SRXN1: variants seen among roughly 807,000 people sequenced by gnomAD.
SRXN1 encodes sulfiredoxin-1.
A neutral mutation model predicts 11.0 loss-of-function variants in SRXN1; 11 were observed. The observed-to-expected ratio is 1.00, with a 90% CI of 0.63 to 1.65. SRXN1 has a LOEUF of 1.65. Among genes scored for constraint, SRXN1 ranks in the 40% most tolerant of loss-of-function variants. The pLI is 0.00. For synonymous variants in SRXN1, 106 were observed against 92.8 expected, an observed-to-expected ratio of 1.14 and a Z score of -0.82; for missense variants, 211 against 194.5, an observed-to-expected ratio of 1.08 and a Z score of -0.50.
rs1251660525 is a variant in SRXN1, at chr20:648,615, AG to A, written c.*98del. ...TCAGACCCTCTCGCCAGGTGCAAAGAGAATGCACCCCTGCTATCCCTTCTGC... is the reference window on the plus strand; with the variant it reads ...TCAGACCCTCTCGCCAGGTGCAAAGAAATGCACCCCTGCTATCCCTTCTGC... On this transcript the variant is annotated 3_prime_UTR_variant, in exon 2 of 2. Coordinates refer to ENST00000381962, the MANE Select transcript of SRXN1 (RefSeq NM_080725.3). The A allele has an allele frequency of 1.5e-6, 2 of 1,349,574 alleles. No homozygotes were observed. The highest frequency in any genetic ancestry group is 2.1e-6 in the Non-Finnish European group (2 of 955,798). 83.6% of individuals were successfully genotyped at this position (1,349,574 alleles called of 1,614,324 possible).
rs1413830563 is a variant in SRXN1, at chr20:647,149, C to T, written c.*1565G>A. On this transcript the variant is annotated 3_prime_UTR_variant, in exon 2 of 2. Coordinates refer to ENST00000381962, the MANE Select transcript of SRXN1 (RefSeq NM_080725.3). ...TACCAGCAGTGCAGACAAGGAGGCACTCCTACTACAGTGGGTCCAGCCCAT... is the reference window on the plus strand; with the variant it reads ...TACCAGCAGTGCAGACAAGGAGGCATTCCTACTACAGTGGGTCCAGCCCAT... 6.6e-6 allele frequency: 1 copy of T among 152,314 alleles called. No individual in the cohort carries two copies. The highest frequency in any genetic ancestry group is 1.5e-5 in the Non-Finnish European group (1 of 68,146). The allele number at this position is 152,314 out of a possible 1,614,324, so 9.4% of individuals were successfully genotyped here.
intron 1 of SRXN1, 69 bp from the exon 2 acceptor site, chr20:648,986 C>A: frequency 6.5e-7 from 1 of 1,540,742 alleles, no homozygotes; most frequent in Non-Finnish European, 8.9e-7. Flanking sequence ...CAGACTTTGT[C>A]CACTTGTGCT....
chr20:648,852 G>A lies in SRXN1; in HGVS notation c.276C>T (p.Tyr92=), dbSNP rs1451989151. The change falls in exon 2 of 2, where the codon TAC becomes TAT. Residue 92 remains tyrosine (Y), a synonymous_variant. Transcript: ENST00000381962. ...LWIKGAQGGD[Y]FYSFGGCHRY... Reference sequence around the variant, plus strand: ...GGTGGCAGCCCCCAAAGGAGTAGAAGTAGTCACCTCCCTGGGCCCCTTTGA... The same window carrying A: ...GGTGGCAGCCCCCAAAGGAGTAGAAATAGTCACCTCCCTGGGCCCCTTTGA... 6.2e-7 allele frequency: 1 copy of A among 1,614,178 alleles called. No homozygotes were observed. Among genetic ancestry groups the A allele is most frequent in the African/African-American group, 1.3e-5 (1 of 75,042 alleles).
At chr20:650,839 G>T (rs529662589) in intron 1 of SRXN1, among the ~76,000 whole-genome samples, 1 of 152,216 alleles carries the variant, frequency 6.6e-6, no homozygotes, top group Non-Finnish European at 1.5e-5. Context: ...GCCTTGTGCC[G>T]GGTACTGGAG....
chr20:652,964 C>T lies in SRXN1; in HGVS notation c.210+12G>A. ...CCCTCCCTCCGGTTGGCTGGACTCC[C>T]CGAGGCCTCACCCGGATCGTGTCCA... On this transcript the variant is annotated intron_variant, in intron 1 of 1. Transcript: ENST00000381962. The T allele has an allele frequency of 1.4e-6, 2 of 1,469,330 alleles. No individual in the cohort carries two copies. Among genetic ancestry groups the T allele is most frequent in the Non-Finnish European group, 1.8e-6 (2 of 1,100,934 alleles). 91.0% of individuals were successfully genotyped at this position (1,469,330 alleles called of 1,614,324 possible).
At position 648,465 on chromosome 20, in the gene SRXN1, G is replaced by T. The variant is rs1347891288; in HGVS notation, c.*249C>A. ...CACGTGGCTCTTCAAGCCCATCTCT[G>T]TTCTCCTTCTCGGTAATGCTTCAAG... is the stretch of plus-strand genomic sequence containing the variant. On this transcript the variant is annotated 3_prime_UTR_variant, in exon 2 of 2. Transcript: ENST00000381962. The T allele has an allele frequency of 4.6e-6, 3 of 645,690 alleles. No individual in the cohort carries two copies. The highest frequency in any genetic ancestry group is 8.6e-6 in the Non-Finnish European group (3 of 350,224). The allele number at this position is 645,690 out of a possible 1,614,324, so 40.0% of individuals were successfully genotyped here.
Position 646,890 on chromosome 20 carries a change from T to C in SRXN1, c.*1824A>G, listed in dbSNP as rs1179227767. On this transcript the variant is annotated 3_prime_UTR_variant, in exon 2 of 2. Transcript: ENST00000381962. ...ATGCCACATTGCACTGAAGACACTCTCCCTTTTCAATTCTATTACTGGTCA... is the reference window on the plus strand; with the variant it reads ...ATGCCACATTGCACTGAAGACACTCCCCCTTTTCAATTCTATTACTGGTCA... 2.6e-5 allele frequency: 4 copies of C among 152,136 alleles called. No individual in the cohort carries two copies. Among genetic ancestry groups the C allele is most frequent in the African/African-American group, 4.8e-5 (2 of 41,412 alleles). The allele number at this position is 152,136 out of a possible 1,614,324, so 9.4% of individuals were successfully genotyped here.
chr20:648,731 T>C lies in SRXN1; in HGVS notation c.397A>G (p.Thr133Ala). The C allele has an allele frequency of 6.2e-7, 1 of 1,614,216 alleles. No homozygotes were observed. The highest frequency in any genetic ancestry group is 2.2e-5 in the East Asian group (1 of 44,892). ...SDLRVYLGAS[T>A]PDLQ ...GGAGGCTGCTACTGCAAGTCTGGTG[T>C]GGATGCTCCCAGGTACACCCTTAGG... The change falls in exon 2 of 2, where the codon ACA becomes GCA. Residue 133 changes from threonine to alanine, a missense_variant. Physicochemically the swap from Thr to Ala is moderately conservative, Grantham distance 58 (BLOSUM62 0). Coordinates refer to ENST00000381962, the MANE Select transcript of SRXN1 (RefSeq NM_080725.3).
intron 1 of SRXN1, among the ~76,000 whole-genome samples, chr20:650,090 C>A (rs1271216131): frequency 6.6e-6 from 1 of 152,292 alleles, no homozygotes; most frequent in East Asian, 1.9e-4. Flanking sequence ...CAGGAATGGT[C>A]AGAAAGGCCA....
chr20:649,468 G>A (rs902495461), intron 1 of SRXN1, among the ~76,000 whole-genome samples: 2 of 152,162 alleles, frequency 1.3e-5, no homozygotes, highest in South Asian at 2.1e-4. Flanking sequence ...TTGGGAGGCC[G>A]AGGCGGGTGG....
At chr20:649,030 G>A in intron 1 of SRXN1, 113 bp from the exon 2 acceptor site, 1 of 1,094,458 alleles carries the variant, frequency 9.1e-7, no homozygotes, top group Non-Finnish European at 1.3e-6. Flanking sequence ...CTGGACTACT[G>A]TGAGAGACAA....
chr20:647,782 A>G lies in SRXN1; in HGVS notation c.*932T>C, dbSNP rs972437374. On this transcript the variant is annotated 3_prime_UTR_variant, in exon 2 of 2. Transcript: ENST00000381962. Reference sequence around the variant, plus strand: ...CCAACCCATAGGATTGTGGGAAAATACAGGGTTTGTTTCTAGCTGCCAAGT... The same window carrying G: ...CCAACCCATAGGATTGTGGGAAAATGCAGGGTTTGTTTCTAGCTGCCAAGT... 2.9e-6 allele frequency: 1 copy of G among 343,546 alleles called. No individual in the cohort carries two copies. The highest frequency in any genetic ancestry group is 5.7e-6 in the Non-Finnish European group (1 of 175,532). 21.3% of individuals were successfully genotyped at this position (343,546 alleles called of 1,614,324 possible). A position where few individuals can be genotyped will look rare whatever the true frequency, so the allele number is the denominator to read the frequency against.
Position 650,974 on chromosome 20 carries a change from C to T in SRXN1, c.210+2002G>A, listed in dbSNP as rs143047331. On this transcript the variant is annotated intron_variant, in intron 1 of 1. Transcript: ENST00000381962. ...GAATTAAGGTAAGGATCCTGAGATG[C>T]GGAAATTATCCAAGGTTATCTAGAT... Among the ~76,000 whole-genome samples, 332 of 152,260 alleles carry T rather than the reference C, an allele frequency of 2.2e-3. 4 individuals are homozygous for T. The highest frequency in any genetic ancestry group is 1.6e-3 in the Non-Finnish European group (109 of 68,016).
At chr20:650,350 T>C (rs1276618179) in intron 1 of SRXN1, among the ~76,000 whole-genome samples, 1 of 151,954 alleles carries the variant, frequency 6.6e-6, no homozygotes, top group Non-Finnish European at 1.5e-5. Flanking sequence ...GGGACACATT[T>C]ACGGGGCAGG....
chr20:650,002 G>A (rs1441835084), intron 1 of SRXN1, among the ~76,000 whole-genome samples: 1 of 152,200 alleles, frequency 6.6e-6, no homozygotes, highest in South Asian at 2.1e-4. Context: ...AACAGCAAAC[G>A]CAAAGGACTT....
At position 648,745 on chromosome 20, in the gene SRXN1, T is replaced by C. The variant is rs757618165; in HGVS notation, c.383A>G (p.Tyr128Cys). ...CAAGTCTGGTGTGGATGCTCCCAGG[T>C]ACACCCTTAGGTCTGAGAGAGTGGA... ...VQSTLSDLRV[Y>C]LGASTPDLQ The change falls in exon 2 of 2, where the codon TAC becomes TGC. Residue 128 changes from tyrosine to cysteine, a missense_variant. By Grantham distance (194) the Tyr-to-Cys change is radical. Coordinates refer to ENST00000381962, the MANE Select transcript of SRXN1 (RefSeq NM_080725.3). The C allele has an allele frequency of 8.1e-6, 13 of 1,614,114 alleles. No individual in the cohort carries two copies. The highest frequency in any genetic ancestry group is 1.6e-4 in the Middle Eastern group (1 of 6,084).
At chr20:649,110 G>T (rs2122309392) in intron 1 of SRXN1, among the ~76,000 whole-genome samples, 193 bp from the exon 2 acceptor site, 1 of 152,302 alleles carries the variant, frequency 6.6e-6, no homozygotes, top group Admixed American at 6.5e-5. Context: ...CCATGGGAGA[G>T]TATTTACACC....
rs1009991587 is a variant in SRXN1, at chr20:653,058, T to C, written c.128A>G (p.Asn43Ser). ...IHSGRIAAVH[N>S]VPLSVLIRPL... is the part of the protein sequence containing the mutation. ...CCGGATGAGCACGCTCAGCGGCACG[T>C]TGTGCACCGCGGCGATGCGGCCCGA... Residue 43 changes from asparagine (N) to serine (S), a missense_variant, in exon 1 of 2, where the codon AAC (asparagine) becomes AGC (serine). Transcript: ENST00000381962. 1.9e-5 allele frequency: 30 copies of C among 1,545,342 alleles called. No homozygotes were observed. Among genetic ancestry groups the C allele is most frequent in the Admixed American group, 1.5e-4 (8 of 53,524 alleles).
Position 648,750 on chromosome 20 carries a change from C to T in SRXN1, c.378G>A (p.Arg126=), listed in dbSNP as rs1600464405. 1 of 1,614,174 alleles carries T rather than the reference C, an allele frequency of 6.2e-7. No individual in the cohort carries two copies. Residue 126 remains arginine (R), a synonymous_variant, in exon 2 of 2, where the codon AGG becomes AGA. Coordinates refer to ENST00000381962, the MANE Select transcript of SRXN1 (RefSeq NM_080725.3). ...KLVQSTLSDL[R]VYLGASTPDL... ...CTGGTGTGGATGCTCCCAGGTACAC[C>T]CTTAGGTCTGAGAGAGTGGACTGGA...
Sources: allele counts gnomAD v4.1 joint callset (sites outside exome capture counted in the v4.1 genomes callset), GRCh38; gene constraint gnomAD v4.1.1; transcripts MANE v1.5; gene names NCBI Gene and HGNC (gene_info 2026-07-23, HGNC 2026-07-21).